The following SMOC1 variants were observed in gnomAD, a reference collection of about 807,000 sequenced individuals.
SMOC1 encodes the protein SPARC related modular calcium binding 1, also known as SPARC-related modular calcium-binding protein 1.
SMOC1 carries 22 observed loss-of-function variants against 56.3 expected under a neutral mutation model. The ratio of observed to expected loss-of-function variants is 0.39; its 90% CI spans 0.28 to 0.56. SMOC1 has a LOEUF of 0.56. SMOC1 is among the 20% of genes least tolerant of loss of function. The pLI is 0.61. For synonymous variants in SMOC1, 193 were observed against 215.0 expected, an observed-to-expected ratio of 0.90 and a Z score of 0.89; for missense variants, 509 against 565.4, an observed-to-expected ratio of 0.90 and a Z score of 1.01.
At chr14:69,919,811 A>T (rs1042738076) in intron 1 of SMOC1, among the ~76,000 whole-genome samples, 1 of 152,212 alleles carries the variant, frequency 6.6e-6, no homozygotes. Flanking sequence ...TTAACTCTAC[A>T]ATTAGCCAAC....
At chr14:69,988,639 C>A (rs1489948456) in intron 5 of SMOC1, among the ~76,000 whole-genome samples, 1 of 152,124 alleles carries the variant, frequency 6.6e-6, no homozygotes, top group East Asian at 1.9e-4. Context: ...TAGTGTTGTA[C>A]AATTGTCACC....
At chr14:69,902,768 C>T (rs1010867729) in intron 1 of SMOC1, among the ~76,000 whole-genome samples, 3 of 152,208 alleles carry the variant, frequency 2.0e-5, no homozygotes, top group African/African-American at 7.2e-5. Context: ...AGGCGCGCGC[C>T]GCCACGCCTG....
chr14:69,945,859 T>G (rs1258153288), intron 1 of SMOC1, among the ~76,000 whole-genome samples: 1 of 152,226 alleles, frequency 6.6e-6, no homozygotes, highest in African/African-American at 2.4e-5. Context: ...CTGACATGGT[T>G]GTTTAGCATG....
At chr14:69,975,513 G>A (rs227445) in intron 3 of SMOC1, among the ~76,000 whole-genome samples, 8 of 152,264 alleles carry the variant, frequency 5.3e-5, no homozygotes, top group South Asian at 2.1e-4. Flanking sequence ...TGTGGTTTGC[G>A]TGGGAGTCCC....
At chr14:69,889,636 G>A (rs909000754) in intron 1 of SMOC1, among the ~76,000 whole-genome samples, 2 of 152,164 alleles carry the variant, frequency 1.3e-5, no homozygotes, top group Non-Finnish European at 2.9e-5. Context: ...GCTTTCTATT[G>A]CTGCCATGAC....
At chr14:69,963,887 A>C (rs1883472892) in intron 3 of SMOC1, among the ~76,000 whole-genome samples, 1 of 152,196 alleles carries the variant, frequency 6.6e-6, no homozygotes, top group Non-Finnish European at 1.5e-5. Flanking sequence ...AGCCTCTACT[A>C]TCATGTTTTC....
At chr14:69,965,809 C>T (rs541514149) in intron 3 of SMOC1, among the ~76,000 whole-genome samples, 1 of 152,210 alleles carries the variant, frequency 6.6e-6, no homozygotes, top group Non-Finnish European at 1.5e-5. Flanking sequence ...CCACAACAGA[C>T]ATTTACTCAG....
chr14:69,891,552 C>T (rs941565301), intron 1 of SMOC1, among the ~76,000 whole-genome samples: 1 of 152,076 alleles, frequency 6.6e-6, no homozygotes, highest in Non-Finnish European at 1.5e-5. Flanking sequence ...ATCCCTCTTC[C>T]CTCCCTACCC....
At chr14:70,018,144 AG>A (rs902906524) in intron 10 of SMOC1, among the ~76,000 whole-genome samples, 18 of 152,228 alleles carry the variant, frequency 1.2e-4, no homozygotes, top group Non-Finnish European at 2.4e-4. Flanking sequence ...AGGGAGCTGC[AG>A]GGTTAGGTGG....
chr14:69,998,554 G>T (rs886981441), intron 7 of SMOC1, among the ~76,000 whole-genome samples: 2 of 151,928 alleles, frequency 1.3e-5, no homozygotes, highest in African/African-American at 4.8e-5. Context: ...ACAAGAATTA[G>T]GTTTCATCTA....
In SMOC1 at chr14:69,917,366, T is replaced by G. The variant is rs189696562; in HGVS notation, c.100-34772T>G. 1.4e-4 allele frequency among the ~76,000 whole-genome samples: 22 copies of G among 152,354 alleles called. No homozygotes were observed. The East Asian group carries it at 4.0e-3, about 28-fold the overall frequency. On this transcript the variant is annotated intron_variant, in intron 1 of 11. Transcript: ENST00000361956. ...GCCTGAGCCCTGCCCAGCGTTTGCC[T>G]ATAGTGCACATGGGCCATTGTGGTG...
chr14:70,024,704 A>T (rs1336983991), intron 11 of SMOC1, among the ~76,000 whole-genome samples: 1 of 152,220 alleles, frequency 6.6e-6, no homozygotes, highest in Non-Finnish European at 1.5e-5. Context: ...ATATTTTAAC[A>T]GTGGTAGGAA....
At chr14:69,896,882 T>G (rs1270698441) in intron 1 of SMOC1, among the ~76,000 whole-genome samples, 1 of 152,232 alleles carries the variant, frequency 6.6e-6, no homozygotes, top group African/African-American at 2.4e-5. Context: ...TTTTCCTGAC[T>G]TCAGCATCTA....
At chr14:69,921,224 G>A (rs2139367810) in intron 1 of SMOC1, among the ~76,000 whole-genome samples, 1 of 152,316 alleles carries the variant, frequency 6.6e-6, no homozygotes, top group East Asian at 1.9e-4. Context: ...ACAGCCCCCA[G>A]CGCCGCAGAC....
chr14:69,892,402 G>A (rs1374151231), intron 1 of SMOC1, among the ~76,000 whole-genome samples: 1 of 152,236 alleles, frequency 6.6e-6, no homozygotes, highest in Non-Finnish European at 1.5e-5. Flanking sequence ...GGAAGATTCT[G>A]TGAAGGTAAT....
At chr14:69,904,678 G>C (rs1005003267) in intron 1 of SMOC1, among the ~76,000 whole-genome samples, 2 of 152,222 alleles carry the variant, frequency 1.3e-5, no homozygotes, top group Non-Finnish European at 1.5e-5. Context: ...ATGGGCCCTG[G>C]AGTCAGACCT....
chr14:69,956,448 C>CT (rs3052655), intron 3 of SMOC1, among the ~76,000 whole-genome samples: 4,792 of 130,762 alleles, frequency 0.037, 179 homozygotes, highest in African/African-American at 0.082. Context: ...CTTAGCTGGG[C>CT]TTTTTTTTTT....
intron 5 of SMOC1, among the ~76,000 whole-genome samples, chr14:69,984,076 T>A (rs1301697086): frequency 1.3e-5 from 2 of 152,328 alleles, no homozygotes; most frequent in Non-Finnish European, 2.9e-5. Flanking sequence ...GATTTTAAGA[T>A]GAATAAAGCT....
intron 5 of SMOC1, among the ~76,000 whole-genome samples, chr14:69,979,444 G>C (rs892246223): frequency 6.6e-6 from 1 of 152,188 alleles, no homozygotes; most frequent in Non-Finnish European, 1.5e-5. Context: ...CCTTCCCAGG[G>C]CATGAGGAGA....
Sources: allele counts gnomAD v4.1 joint callset (sites outside exome capture counted in the v4.1 genomes callset), GRCh38; gene constraint gnomAD v4.1.1; transcripts MANE v1.5; gene names NCBI Gene and HGNC (gene_info 2026-07-23, HGNC 2026-07-21).